C2CD2: variants seen among roughly 807,000 people sequenced by gnomAD.
C2CD2 encodes the protein C2 domain-containing protein 2.
A neutral mutation model predicts 74.3 loss-of-function variants in C2CD2; 43 were observed. The observed-to-expected ratio is 0.58, with a 90% CI of 0.45 to 0.75. The LOEUF is 0.75. C2CD2 is among the 30% of genes least tolerant of loss of function. The probability of loss-of-function intolerance (pLI) is 0.00; values close to 1 mark genes in which losing one functional copy is unlikely to be tolerated. For synonymous variants in C2CD2, 422 were observed against 390.7 expected (o/e 1.08, Z -0.94); for missense variants, 801 against 916.3 (o/e 0.87, Z 1.63).
chr21:41,942,598 G>A (rs1200622660), intron 1 of C2CD2, among the ~76,000 whole-genome samples: 1 of 152,218 alleles, frequency 6.6e-6, no homozygotes, highest in Non-Finnish European at 1.5e-5. Context: ...GCTGCTTCGT[G>A]CAAATCAGAG....
intron 9 of C2CD2, 117 bp downstream of exon 9, chr21:41,907,543 G>C: frequency 1.8e-6 from 2 of 1,102,830 alleles, no homozygotes; most frequent in Non-Finnish European, 2.6e-6. Flanking sequence ...ATCTCCTCTT[G>C]GAGGAGGTCT....
intron 5 of C2CD2, 109 bp downstream of exon 5, chr21:41,917,996 C>T: frequency 1.5e-6 from 2 of 1,328,348 alleles, no homozygotes; most frequent in Non-Finnish European, 2.1e-6. Flanking sequence ...CATCTTGGCT[C>T]TACCATGGGA....
rs1323373275 is a variant in C2CD2 at position 41,937,955 on chromosome 21, T to C, written c.378+4192A>G. Among the ~76,000 whole-genome samples the C allele has an allele frequency of 2.6e-5, 4 of 152,136 alleles. No individual in the cohort carries two copies. In the East Asian group the frequency reaches 7.7e-4, roughly 29 times the overall value. On this transcript the variant is annotated intron_variant, in intron 2 of 13. Transcript: ENST00000380486. ...TGGTGGTTACCAGACGCTGGGGAGT[T>C]GGGGACGTCGGGGAGGTATTGGTTA...
Position 41,888,459 on chromosome 21 carries a change from A to G in C2CD2, c.*665T>C, listed in dbSNP as rs1006942336. On this transcript the variant is annotated 3_prime_UTR_variant, in exon 14 of 14. Transcript: ENST00000380486. ...GCAAGTAGGCTCAAAGTAAACTTAG[A>G]AAAGTGTTCTGCATACTATGCATAG... 4 of 152,688 alleles carry G rather than the reference A, an allele frequency of 2.6e-5. No individual in the cohort carries two copies. Among genetic ancestry groups the G allele is most frequent in the African/African-American group, 9.6e-5 (4 of 41,460 alleles). 9.5% of individuals were successfully genotyped at this position (152,688 alleles called of 1,614,324 possible).
intron 11 of C2CD2, among the ~76,000 whole-genome samples, chr21:41,904,093 C>T (rs984953298): frequency 2.0e-5 from 3 of 152,130 alleles, no homozygotes; most frequent in Non-Finnish European, 4.4e-5. Context: ...AAGGACCCTG[C>T]TGATAAAACA....
Position 41,903,923 on chromosome 21 carries a change from G to A in C2CD2, c.1432+1801C>T, listed in dbSNP as rs887472287. Among the ~76,000 whole-genome samples the A allele has an allele frequency of 2.0e-5, 3 of 152,158 alleles. No individual in the cohort carries two copies. Among genetic ancestry groups the A allele is most frequent in the Non-Finnish European group, 2.9e-5 (2 of 68,018 alleles). ...GAAGAAACTGAGGAAGGGGCATCAGGGGCAGCGGCAAAAGCATCAGCGGCA... is the reference window on the plus strand; with the variant it reads ...GAAGAAACTGAGGAAGGGGCATCAGAGGCAGCGGCAAAAGCATCAGCGGCA... On this transcript the variant is annotated intron_variant, in intron 11 of 13. Coordinates refer to ENST00000380486, the MANE Select transcript of C2CD2 (RefSeq NM_015500.2). This position sits in a 1 kb window ranked among gnomAD's most constrained non-coding sequence, Gnocchi z 4.5.
At chr21:41,950,898 G>A (rs1048144513) in intron 1 of C2CD2, among the ~76,000 whole-genome samples, 12 of 152,168 alleles carry the variant, frequency 7.9e-5, no homozygotes, top group Non-Finnish European at 1.6e-4. Context: ...ATCCCTAAGC[G>A]ACAGGCCAAG....
At chr21:41,889,637 C>CTTT (rs34432849) in intron 13 of C2CD2, among the ~76,000 whole-genome samples, 1 of 146,538 alleles carries the variant, frequency 6.8e-6, no homozygotes, top group Non-Finnish European at 1.5e-5. Context: ...AATTTTTTTT[C>CTTT]TTTTTTTTTT....
intron 2 of C2CD2, among the ~76,000 whole-genome samples, chr21:41,928,933 T>A (rs989049098): frequency 6.6e-6 from 1 of 151,892 alleles, no homozygotes; most frequent in Admixed American, 6.6e-5. Context: ...TTTTTTATGG[T>A]GAGGATGTGG....
intron 1 of C2CD2, among the ~76,000 whole-genome samples, chr21:41,943,236 T>C (rs1270751048): frequency 6.6e-6 from 1 of 151,306 alleles, no homozygotes; most frequent in African/African-American, 2.4e-5. Context: ...GAGGTGGAGG[T>C]TGTATTCAGC....
chr21:41,925,441 G>A (rs1230685368), intron 2 of C2CD2, among the ~76,000 whole-genome samples: 1 of 152,174 alleles, frequency 6.6e-6, no homozygotes, highest in Non-Finnish European at 1.5e-5. Context: ...CCGTGATTGT[G>A]CCACTGCGTT....
chr21:41,930,462 G>T (rs1356222093), intron 2 of C2CD2, among the ~76,000 whole-genome samples: 1 of 150,152 alleles, frequency 6.7e-6, no homozygotes, highest in Non-Finnish European at 1.5e-5. Flanking sequence ...TAGCACTTTG[G>T]GAAGCCGAGG....
chr21:41,931,155 G>C (rs1403741495), intron 2 of C2CD2, among the ~76,000 whole-genome samples: 1 of 150,538 alleles, frequency 6.6e-6, no homozygotes, highest in African/African-American at 2.4e-5. Context: ...CCGGAGAAAA[G>C]TTTAAAGGCC....
In C2CD2 at chr21:41,903,929, C is replaced by T. The variant is rs117379692; in HGVS notation, c.1432+1795G>A. On this transcript the variant is annotated intron_variant, in intron 11 of 13. Transcript: ENST00000380486. The surrounding 1 kb of genome is among the most constrained non-coding windows in gnomAD (Gnocchi z 4.5). ...ACTGAGGAAGGGGCATCAGGGGCAGCGGCAAAAGCATCAGCGGCATTAGTA... is the reference window on the plus strand; with the variant it reads ...ACTGAGGAAGGGGCATCAGGGGCAGTGGCAAAAGCATCAGCGGCATTAGTA... 0.034 allele frequency among the ~76,000 whole-genome samples: 5,153 copies of T among 152,214 alleles called. 182 individuals carry two copies. The highest frequency in any genetic ancestry group is 0.14 in the South Asian group (670 of 4,816).
At chr21:41,921,717 G>A (rs1450628690) in intron 3 of C2CD2, among the ~76,000 whole-genome samples, 1 of 151,976 alleles carries the variant, frequency 6.6e-6, no homozygotes, top group Non-Finnish European at 1.5e-5. Context: ...TCATTCAAAT[G>A]CCCGAAAGAG....
At chr21:41,910,025 A>G (rs1185004907) in intron 7 of C2CD2, among the ~76,000 whole-genome samples, 1 of 148,552 alleles carries the variant, frequency 6.7e-6, no homozygotes, top group African/African-American at 2.5e-5. Flanking sequence ...GTAGAGATGA[A>G]GTCTTGCTAC....
Position 41,945,550 on chromosome 21 carries a change from C to A in C2CD2, c.280-3305G>T, listed in dbSNP as rs1215212171. Among the ~76,000 whole-genome samples, 2 of 151,834 alleles carry A rather than the reference C, an allele frequency of 1.3e-5. No homozygotes were observed. Among genetic ancestry groups the A allele is most frequent in the Admixed American group, 1.3e-4 (2 of 15,252 alleles). On this transcript the variant is annotated intron_variant, in intron 1 of 13. Transcript: ENST00000380486. The surrounding 1 kb of genome is among the most constrained non-coding windows in gnomAD (Gnocchi z 4.2). The stretch of plus-strand genomic sequence containing the variant: ...ATGGAAGAACACAAGAGGCTACTCT[C>A]AAAGGAGCACCCTGATGGCCCAAAG...
chr21:41,941,728 C>T (rs1601602152), intron 2 of C2CD2, among the ~76,000 whole-genome samples: 1 of 152,132 alleles, frequency 6.6e-6, no homozygotes, highest in East Asian at 1.9e-4. Context: ...CAACATGAAA[C>T]CTTCAACCCA....
intron 1 of C2CD2, among the ~76,000 whole-genome samples, chr21:41,942,619 T>C (rs746250963): frequency 1.6e-4 from 25 of 152,136 alleles, no homozygotes; most frequent in Non-Finnish European, 3.1e-4. Flanking sequence ...GATCTGTGGG[T>C]CTAGCGGCGC....
Sources: allele counts gnomAD v4.1 joint callset (sites outside exome capture counted in the v4.1 genomes callset), GRCh38; gene constraint gnomAD v4.1.1; non-coding constraint Gnocchi (gnomAD v3.1); transcripts MANE v1.5; gene names NCBI Gene and HGNC (gene_info 2026-07-23, HGNC 2026-07-21).